The following FOCAD variants were observed in gnomAD, a reference collection of about 807,000 sequenced individuals.
FOCAD encodes KIAA1797.
In FOCAD, 198 loss-of-function variants were observed where a neutral mutation model predicts 225.6. That is an observed-to-expected ratio of 0.88 (90% CI 0.78 to 0.99). The LOEUF (loss-of-function observed/expected upper bound fraction) is 0.99, where lower values mean the gene tolerates loss of function less well. FOCAD is among the 50% of genes least tolerant of loss of function. FOCAD has a pLI of 0.00. For missense variants in FOCAD, 2,713 were observed against 2,123.6 expected (o/e 1.28, Z -5.46); for synonymous variants, 897 against 755.0 (o/e 1.19, Z -3.08).
intron 21 of FOCAD, among the ~76,000 whole-genome samples, chr9:20,893,514 C>T (rs1024164575): frequency 6.6e-6 from 1 of 152,016 alleles, no homozygotes; most frequent in Non-Finnish European, 1.5e-5. Context: ...TGAATAAGCC[C>T]TTATGTACTG....
chr9:20,666,568 AAAAC>A (rs752228392), intron 2 of FOCAD, among the ~76,000 whole-genome samples: 41 of 152,262 alleles, frequency 2.7e-4, no homozygotes, highest in Admixed American at 1.8e-3. Flanking sequence ...ACCCTATCTC[AAAAC>A]AAACAAACAA....
intron 5 of FOCAD, among the ~76,000 whole-genome samples, chr9:20,755,357 C>A (rs896153616): frequency 1.3e-5 from 2 of 152,214 alleles, no homozygotes; most frequent in African/African-American, 2.4e-5. Context: ...AACAGGCCTT[C>A]AGCATCATGC....
At chr9:20,746,680 A>G (rs1215166724) in intron 5 of FOCAD, among the ~76,000 whole-genome samples, 3 of 152,244 alleles carry the variant, frequency 2.0e-5, no homozygotes, top group African/African-American at 7.2e-5. Context: ...ATTCTCTTAT[A>G]TAACCAGAAT....
chr9:20,978,446 A>C lies in FOCAD; in HGVS notation c.4369A>C (p.Ser1457Arg), dbSNP rs781080654. 15 of 1,605,098 alleles carry C rather than the reference A, an allele frequency of 9.3e-6. No individual in the cohort carries two copies. Among genetic ancestry groups the C allele is most frequent in the Non-Finnish European group, 1.3e-5 (15 of 1,174,524 alleles). The change falls in exon 37 of 44, where the codon AGT (serine) becomes CGT (arginine). Residue 1457 changes from serine to arginine, a missense_variant. Physicochemically the swap from Ser to Arg is moderately radical, Grantham distance 110. Coordinates refer to ENST00000338382, the MANE Select transcript of FOCAD (RefSeq NM_001375567.1). Reference protein sequence around the residue: ...GLWVTPPLIHSLSLNTKRYLL... With the variant: ...GLWVTPPLIHRLSLNTKRYLL... Reference sequence around the variant, plus strand: ...GTGGGTGACACCACCACTGATCCACAGTCTGAGTGTATGTAGTAACTAAGG... The same window carrying C: ...GTGGGTGACACCACCACTGATCCACCGTCTGAGTGTATGTAGTAACTAAGG...
chr9:20,916,199 T>C (rs1417147511), intron 23 of FOCAD, among the ~76,000 whole-genome samples: 1 of 152,190 alleles, frequency 6.6e-6, no homozygotes, highest in Non-Finnish European at 1.5e-5. Context: ...ATATTGAAAA[T>C]GATCCTTTTA....
intron 4 of FOCAD, among the ~76,000 whole-genome samples, chr9:20,729,914 C>T (rs576551832): frequency 6.6e-6 from 1 of 152,290 alleles, no homozygotes; most frequent in East Asian, 1.9e-4. Context: ...ACTGCCTTGA[C>T]TTCCCCCACC....
intron 6 of FOCAD, among the ~76,000 whole-genome samples, chr9:20,759,822 A>G (rs948312386): frequency 6.6e-6 from 1 of 152,238 alleles, no homozygotes; most frequent in African/African-American, 2.4e-5. Flanking sequence ...TCAGTAAGCT[A>G]CTACACAATA....
At chr9:20,758,234 A>G (rs753703917) in intron 6 of FOCAD, 43 bp downstream of exon 6, 3 of 1,396,202 alleles carry the variant, frequency 2.1e-6, no homozygotes, top group Non-Finnish European at 3.0e-6. Context: ...GGGAGACAGA[A>G]TGGTATATGC....
chr9:20,805,382 C>G (rs765992617), intron 11 of FOCAD, among the ~76,000 whole-genome samples: 4 of 152,176 alleles, frequency 2.6e-5, no homozygotes, highest in Non-Finnish European at 5.9e-5. Context: ...TATAAGCTGT[C>G]AATCCATTTG....
chr9:20,712,458 G>A (rs1181535270), intron 1 of FOCAD, among the ~76,000 whole-genome samples: 1 of 151,988 alleles, frequency 6.6e-6, no homozygotes, highest in Non-Finnish European at 1.5e-5. Context: ...TCAGGAGTTC[G>A]AGACTAGCCT....
intron 2 of FOCAD, among the ~76,000 whole-genome samples, chr9:20,672,276 GT>G (rs1235943153): frequency 1.5e-4 from 23 of 152,154 alleles, no homozygotes; most frequent in Non-Finnish European, 3.4e-4. Flanking sequence ...GAAGTGAGAA[GT>G]ATGGTATAAT....
At chr9:20,741,534 C>G (rs1363178128) in intron 5 of FOCAD, among the ~76,000 whole-genome samples, 3 of 152,004 alleles carry the variant, frequency 2.0e-5, no homozygotes, top group African/African-American at 7.2e-5. Context: ...TTGTGAATAT[C>G]TTCAAACATA....
chr9:20,808,801 T>C (rs1822739179), intron 11 of FOCAD, among the ~76,000 whole-genome samples: 1 of 152,202 alleles, frequency 6.6e-6, no homozygotes, highest in Non-Finnish European at 1.5e-5. Flanking sequence ...CTTCCTACTC[T>C]GCTACCTACT....
rs755210390 is a variant in FOCAD at position 20,926,292 on chromosome 9, C to G, written c.2962-9C>G. 3 of 1,453,092 alleles carry G rather than the reference C, an allele frequency of 2.1e-6. No individual in the cohort carries two copies. In the Admixed American group the frequency reaches 5.1e-5, roughly 25 times the overall value. 90.0% of individuals were successfully genotyped at this position (1,453,092 alleles called of 1,614,324 possible). A position where few individuals can be genotyped will look rare whatever the true frequency, so the allele number is the denominator to read the frequency against. ...CTGTAATCATTTCATGTTTTTAATTCATCTGCAGGTTCAACCTAATTTCCT... is the reference window on the plus strand; with the variant it reads ...CTGTAATCATTTCATGTTTTTAATTGATCTGCAGGTTCAACCTAATTTCCT... On this transcript the variant is annotated splice_polypyrimidine_tract_variant and intron_variant, in intron 25 of 43. Coordinates refer to ENST00000338382, the MANE Select transcript of FOCAD (RefSeq NM_001375567.1).
At chr9:20,985,850 G>T (rs551127833) in intron 39 of FOCAD, among the ~76,000 whole-genome samples, 5 of 152,216 alleles carry the variant, frequency 3.3e-5, no homozygotes, top group East Asian at 3.9e-4. Flanking sequence ...GTACACTTTG[G>T]TGCTAACATA....
At chr9:20,957,483 T>TTTTTTTTTTTTTTTC (rs1838281393) in intron 35 of FOCAD, 1 of 116,462 alleles carries the variant, frequency 8.6e-6, no homozygotes, top group Non-Finnish European at 1.8e-5. Context: ...CTTTTCTTTT[T>TTTTTTTTTTTTTTTC]TTTTTTTTTT....
intron 2 of FOCAD, chr9:20,716,154 C>G: frequency 2.1e-6 from 1 of 475,102 alleles, no homozygotes; most frequent in Non-Finnish European, 4.6e-6. Context: ...TAGAACACTC[C>G]TTATGCAAGA....
chr9:20,939,696 ATTTTATTTTTTTTTGT>A (rs930104447), intron 28 of FOCAD, among the ~76,000 whole-genome samples: 29 of 142,516 alleles, frequency 2.0e-4, no homozygotes, highest in African/African-American at 7.4e-4. Context: ...ACCTTCTTTT[ATTTTATTTTTTTTTGT>A]TTTTATTTTT....
At chr9:20,952,923 A>C (rs970630656) in intron 34 of FOCAD, 62 bp from the exon 35 acceptor site, 1 of 1,305,322 alleles carries the variant, frequency 7.7e-7, no homozygotes. Context: ...TGAGATCATT[A>C]TCTTTCCTTC....
Sources: gnomAD v4.1 joint callset for allele counts (sites outside exome capture counted in the v4.1 genomes callset) on GRCh38, gnomAD v4.1.1 for gene constraint, MANE v1.5 for transcripts, NCBI Gene and HGNC (gene_info 2026-07-23, HGNC 2026-07-21) for gene names.